The following HS3ST5 variants were observed in gnomAD, a reference collection of about 807,000 sequenced individuals.
HS3ST5 encodes heparan sulfate-glucosamine 3-sulfotransferase 5.
HS3ST5 carries 10 observed loss-of-function variants against 25.4 expected under a neutral mutation model. That is an observed-to-expected ratio of 0.39 (90% confidence interval 0.24 to 0.67). The LOEUF (loss-of-function observed/expected upper bound fraction) is 0.67. HS3ST5 is among the 30% of genes least tolerant of loss of function. The pLI is 0.44. For missense variants in HS3ST5, 324 were observed against 420.7 expected, an observed-to-expected ratio of 0.77 and a Z score of 2.01; for synonymous variants, 170 against 162.4, an observed-to-expected ratio of 1.05 and a Z score of -0.36.
chr6:114,072,108 C>T (rs12174125), intron 3 of HS3ST5, among the ~76,000 whole-genome samples: 1 of 152,096 alleles, frequency 6.6e-6, no homozygotes, highest in African/African-American at 2.4e-5. Flanking sequence ...GAAGTTCATG[C>T]AAAGCTGAAA....
intron 1 of HS3ST5, among the ~76,000 whole-genome samples, chr6:114,253,941 A>G (rs1000592334): frequency 6.6e-6 from 1 of 152,170 alleles, no homozygotes; most frequent in East Asian, 1.9e-4. Context: ...CCTTAGAGCA[A>G]TTTAGAGATT....
chr6:114,273,752 A>G (rs1273453610), intron 1 of HS3ST5, among the ~76,000 whole-genome samples: 1 of 152,024 alleles, frequency 6.6e-6, no homozygotes, highest in East Asian at 1.9e-4. Context: ...TATGTGCAAG[A>G]TGTAGTTATG....
chr6:114,118,304 A>G (rs1458098168), intron 3 of HS3ST5, among the ~76,000 whole-genome samples: 3 of 152,174 alleles, frequency 2.0e-5, no homozygotes, highest in African/African-American at 4.8e-5. Context: ...AAAAAATGGC[A>G]TATAGAAAGG....
intron 2 of HS3ST5, among the ~76,000 whole-genome samples, chr6:114,191,545 C>T (rs1780502407): frequency 6.6e-6 from 1 of 152,120 alleles, no homozygotes; most frequent in South Asian, 2.1e-4. Context: ...AATTCCTAGG[C>T]TTTGAAAACG....
chr6:114,220,625 T>C (rs1781986189), intron 2 of HS3ST5: 1 of 152,050 alleles, frequency 6.6e-6, no homozygotes, highest in Non-Finnish European at 1.5e-5. Context: ...GATAAATATA[T>C]GGTAAGTCAT....
chr6:114,152,170 C>T (rs1778484633), intron 3 of HS3ST5, among the ~76,000 whole-genome samples: 1 of 152,142 alleles, frequency 6.6e-6, no homozygotes, highest in South Asian at 2.1e-4. Context: ...GATCGACGCA[C>T]TTCGGCCTCC....
At chr6:114,225,137 T>G (rs1782233092) in intron 2 of HS3ST5, among the ~76,000 whole-genome samples, 1 of 151,834 alleles carries the variant, frequency 6.6e-6, no homozygotes, top group Non-Finnish European at 1.5e-5. Flanking sequence ...GTATCTCAAC[T>G]GTTACTAGTT....
chr6:114,171,792 A>T (rs1582678227), intron 2 of HS3ST5, among the ~76,000 whole-genome samples: 2 of 152,066 alleles, frequency 1.3e-5, no homozygotes, highest in South Asian at 4.2e-4. Context: ...GATGCTTGTA[A>T]CCCCCACTTC....
intron 2 of HS3ST5, among the ~76,000 whole-genome samples, chr6:114,179,882 C>A (rs1200377994): frequency 6.6e-6 from 1 of 152,064 alleles, no homozygotes; most frequent in Non-Finnish European, 1.5e-5. Flanking sequence ...CCCTAGCATA[C>A]CACTGGTGTA....
At chr6:114,308,166 G>A (rs1459086250) in intron 1 of HS3ST5, among the ~76,000 whole-genome samples, 2 of 152,136 alleles carry the variant, frequency 1.3e-5, no homozygotes, top group Non-Finnish European at 2.9e-5. Context: ...ATACTAGTAA[G>A]TTTAGGAATA....
At chr6:114,058,292 G>T (rs550027611) in intron 4 of HS3ST5, 102 bp from the exon 5 acceptor site, 1 of 833,412 alleles carries the variant, frequency 1.2e-6, no homozygotes. Flanking sequence ...TAAAGCCACT[G>T]GTTCCCAGCC....
chr6:114,129,251 C>CTTTTTTTTTTTTTTTTTTTTTTTTTTTT (rs398048772), intron 3 of HS3ST5, among the ~76,000 whole-genome samples: 1 of 98,022 alleles, frequency 1.0e-5, no homozygotes, highest in Non-Finnish European at 1.9e-5. Flanking sequence ...CAACAAGAAC[C>CTTTTTTTTTTTTTTTTTTTTTTTTTTTT]TTTTTTTTTT....
At chr6:114,115,233 T>A (rs369485413) in intron 3 of HS3ST5, among the ~76,000 whole-genome samples, 2 of 152,152 alleles carry the variant, frequency 1.3e-5, no homozygotes, top group African/African-American at 4.8e-5. Context: ...GAAGATAATT[T>A]TTTTTAATTC....
rs569730544 is a variant in HS3ST5, at chr6:114,311,975, CAACT to C, written c.-339+30216_-339+30219del. 3.9e-5 allele frequency among the ~76,000 whole-genome samples: 6 copies of C among 152,174 alleles called. No homozygotes were observed. The East Asian group carries it at 9.7e-4, about 25-fold the overall frequency. On this transcript the variant is annotated intron_variant, in intron 1 of 4. Coordinates refer to ENST00000312719, the MANE Select transcript of HS3ST5 (RefSeq NM_153612.4). Reference sequence around the variant, plus strand: ...TGAAAGTTGGTAGTATTTTAACTACCAACTAAGTATTTTAACTATGAAATGTTCT... The same window carrying C: ...TGAAAGTTGGTAGTATTTTAACTACCAAGTATTTTAACTATGAAATGTTCT...
chr6:114,320,444 A>C (rs1186316693), intron 1 of HS3ST5, among the ~76,000 whole-genome samples: 1 of 152,068 alleles, frequency 6.6e-6, no homozygotes, highest in African/African-American at 2.4e-5. Context: ...AACCTCCCAA[A>C]GTCTTCTTCC....
intron 1 of HS3ST5, among the ~76,000 whole-genome samples, chr6:114,275,466 T>C (rs1371966909): frequency 6.6e-6 from 1 of 152,030 alleles, no homozygotes; most frequent in Non-Finnish European, 1.5e-5. Flanking sequence ...AAAAAGGGAA[T>C]GATTTAAGTG....
At position 114,154,966 on chromosome 6, in the gene HS3ST5, C is replaced by T. The variant is rs182757823; in HGVS notation, c.-33+13385G>A. On this transcript the variant is annotated intron_variant, in intron 3 of 4. Coordinates refer to ENST00000312719, the MANE Select transcript of HS3ST5 (RefSeq NM_153612.4). ...GCTCTGGTTACATATGCATTTACTG[C>T]CTGTCTCCCCTCCACCACCCCACCC... Among the ~76,000 whole-genome samples the T allele has an allele frequency of 2.0e-3, 305 of 152,278 alleles. 2 individuals are homozygous for T. The highest frequency in any genetic ancestry group is 7.1e-3 in the African/African-American group (294 of 41,546).
intron 1 of HS3ST5, among the ~76,000 whole-genome samples, chr6:114,298,866 G>T (rs948025729): frequency 1.3e-5 from 2 of 152,080 alleles, no homozygotes; most frequent in African/African-American, 4.8e-5. Flanking sequence ...CATCTCACAA[G>T]CTGAGGAGTA....
chr6:114,280,443 G>T (rs13217813), intron 1 of HS3ST5, among the ~76,000 whole-genome samples: 1 of 151,800 alleles, frequency 6.6e-6, no homozygotes, highest in African/African-American at 2.4e-5. Context: ...CAGGAGGTAC[G>T]CCCTCTTCCA....
Sources: allele counts gnomAD v4.1 joint callset (sites outside exome capture counted in the v4.1 genomes callset), GRCh38; gene constraint gnomAD v4.1.1; transcripts MANE v1.5; gene names NCBI Gene and HGNC (gene_info 2026-07-23, HGNC 2026-07-21).